The following SLC35F4 variants were observed in gnomAD, a reference collection of about 807,000 sequenced individuals.
SLC35F4 encodes the protein chromosome 14 open reading frame 36.
A neutral mutation model predicts 44.2 loss-of-function variants in SLC35F4; 24 were observed. That is an observed-to-expected ratio of 0.54 (90% CI 0.39 to 0.76). The LOEUF is 0.76. Among genes scored for constraint, SLC35F4 ranks in the 30% least tolerant of loss-of-function variants. The pLI is 0.00. For synonymous variants in SLC35F4, 238 were observed against 223.6 expected, an observed-to-expected ratio of 1.06 and a Z score of -0.57; for missense variants, 562 against 586.1, an observed-to-expected ratio of 0.96 and a Z score of 0.42.
intron 1 of SLC35F4, among the ~76,000 whole-genome samples, chr14:57,772,382 TA>T (rs1382811024): frequency 8.3e-6 from 1 of 120,254 alleles, no homozygotes; most frequent in Non-Finnish European, 1.6e-5. Flanking sequence ...TTTTAGTTTT[TA>T]TTTTTTTTGA....
chr14:57,655,292 G>C (rs4901806), intron 1 of SLC35F4, among the ~76,000 whole-genome samples: 2 of 151,874 alleles, frequency 1.3e-5, no homozygotes, highest in African/African-American at 2.4e-5. Flanking sequence ...TGAATGCTCT[G>C]TTTGGGGAGG....
At chr14:57,679,029 A>T (rs1340298616) in intron 1 of SLC35F4, among the ~76,000 whole-genome samples, 1 of 152,150 alleles carries the variant, frequency 6.6e-6, no homozygotes, top group Non-Finnish European at 1.5e-5. Flanking sequence ...AGTGGAACCT[A>T]ATAGACATCT....
chr14:57,907,169 C>T (rs1362632353), intron 1 of SLC35F4, among the ~76,000 whole-genome samples: 1 of 152,198 alleles, frequency 6.6e-6, no homozygotes, highest in Non-Finnish European at 1.5e-5. Flanking sequence ...TCACTGCAGC[C>T]TCAAACTCCT....
rs1890330548 is a variant in SLC35F4, at chr14:57,961,055, CT to C, written n.282+20857del. On this transcript the variant is annotated intron_variant and non_coding_transcript_variant, in intron 1 of 1. Transcript: ENST00000556568. ...AATGGACCCCCAACTCAGGCTCTGG[CT>C]CGTCAAGAAGATACGTGGGGCAAGT... is the stretch of plus-strand genomic sequence containing the variant. 2.0e-5 allele frequency among the ~76,000 whole-genome samples: 3 copies of C among 152,244 alleles called. No individual in the cohort carries two copies. The East Asian group carries it at 5.8e-4, about 29-fold the overall frequency.
chr14:57,585,116 G>A (rs993506353), intron 3 of SLC35F4, among the ~76,000 whole-genome samples: 1 of 152,220 alleles, frequency 6.6e-6, no homozygotes, highest in East Asian at 1.9e-4. Context: ...TTATAGCTGA[G>A]TTTTCATAGA....
chr14:57,814,004 C>T (rs1217587849), intron 1 of SLC35F4, among the ~76,000 whole-genome samples: 3 of 152,152 alleles, frequency 2.0e-5, no homozygotes, highest in Non-Finnish European at 4.4e-5. Context: ...TAACTATGGG[C>T]TTAATGTTGC....
intron 1 of SLC35F4, among the ~76,000 whole-genome samples, chr14:57,629,102 C>T (rs1957703): frequency 0.67 from 102,479 of 151,938 alleles, 35,348 homozygotes; most frequent in Non-Finnish European, 0.75. Context: ...ATTTCTTCAT[C>T]TTTTGAAATT....
intron 1 of SLC35F4, among the ~76,000 whole-genome samples, chr14:57,749,798 A>G (rs1566820794): frequency 6.6e-6 from 1 of 152,212 alleles, no homozygotes; most frequent in Non-Finnish European, 1.5e-5. Context: ...GAGAGTGGGC[A>G]TGTAAGGGAA....
intron 1 of SLC35F4, among the ~76,000 whole-genome samples, chr14:57,848,113 T>C (rs1263135593): frequency 6.6e-6 from 1 of 152,100 alleles, no homozygotes; most frequent in Non-Finnish European, 1.5e-5. Context: ...AAATGGAAAT[T>C]AGTTTAATTT....
intron 1 of SLC35F4, among the ~76,000 whole-genome samples, chr14:57,825,554 G>C (rs1883645401): frequency 6.6e-6 from 1 of 152,044 alleles, no homozygotes; most frequent in African/African-American, 2.4e-5. Flanking sequence ...ACAAGCTTTA[G>C]AACATGTTCA....
chr14:57,761,537 C>T (rs1425565494), intron 1 of SLC35F4, among the ~76,000 whole-genome samples: 1 of 152,052 alleles, frequency 6.6e-6, no homozygotes, highest in African/African-American at 2.4e-5. Flanking sequence ...TTCTGATATG[C>T]ACTGATTTGT....
chr14:57,982,117 G>A (rs1404760221), upstream of SLC35F4: 1 of 152,138 alleles, frequency 6.6e-6, no homozygotes, highest in African/African-American at 2.4e-5. Flanking sequence ...CAAAAACCAT[G>A]TCAGCAGACA....
chr14:57,699,961 T>G (rs1431023499), intron 1 of SLC35F4, among the ~76,000 whole-genome samples: 2 of 152,226 alleles, frequency 1.3e-5, no homozygotes, highest in African/African-American at 4.8e-5. Context: ...TAGTCTTCCC[T>G]TATCTGCAGG....
In SLC35F4 at chr14:57,737,551, C is replaced by A. The variant is rs140188059; in HGVS notation, c.103+128172G>T. Reference sequence around the variant, plus strand: ...AAGGCTGCAGCAATGGTAAAACAACCCAGTTAGCTGTCAGAGGTTAAATGT... The same window carrying A: ...AAGGCTGCAGCAATGGTAAAACAACACAGTTAGCTGTCAGAGGTTAAATGT... On this transcript the variant is annotated intron_variant, in intron 1 of 7. Transcript: ENST00000556826. 9.9e-3 allele frequency among the ~76,000 whole-genome samples: 1,506 copies of A among 152,060 alleles called. 17 individuals carry two copies. The highest frequency in any genetic ancestry group is 0.012 in the Non-Finnish European group (829 of 68,008).
chr14:57,943,917 T>A (rs1889961271), intron 1 of SLC35F4, among the ~76,000 whole-genome samples: 1 of 152,200 alleles, frequency 6.6e-6, no homozygotes, highest in Admixed American at 6.5e-5. Flanking sequence ...ACAGTTTCAT[T>A]AACACCTGCT....
At chr14:57,766,136 G>A (rs1465094535) in intron 1 of SLC35F4, among the ~76,000 whole-genome samples, 1 of 152,244 alleles carries the variant, frequency 6.6e-6, no homozygotes, top group Non-Finnish European at 1.5e-5. Flanking sequence ...AGCCCAGGAG[G>A]CACATAAAGG....
At chr14:57,952,998 A>C (rs988116862) in intron 1 of SLC35F4, among the ~76,000 whole-genome samples, 10 of 152,166 alleles carry the variant, frequency 6.6e-5, no homozygotes, top group African/African-American at 2.2e-4. Context: ...AGATTCACCA[A>C]GGTTGAAATG....
At chr14:57,662,602 T>C (rs749468574) in intron 1 of SLC35F4, among the ~76,000 whole-genome samples, 48 of 152,182 alleles carry the variant, frequency 3.2e-4, no homozygotes, top group Non-Finnish European at 6.0e-4. Flanking sequence ...TAGAAGTGGA[T>C]CAGAGACAGC....
At chr14:57,726,660 TTG>T (rs2076211467) in intron 1 of SLC35F4, among the ~76,000 whole-genome samples, 1 of 152,128 alleles carries the variant, frequency 6.6e-6, no homozygotes, top group Admixed American at 6.5e-5. Context: ...GACCTTATTA[TTG>T]TCTTTATTCA....
Sources: allele counts gnomAD v4.1 joint callset (sites outside exome capture counted in the v4.1 genomes callset), GRCh38; gene constraint gnomAD v4.1.1; transcripts MANE v1.5; gene names NCBI Gene and HGNC (gene_info 2026-07-23, HGNC 2026-07-21).